MAST2: variants seen among roughly 807,000 people sequenced by gnomAD.
MAST2 encodes microtubule-associated serine/threonine-protein kinase 2.
MAST2 carries 70 observed loss-of-function variants against 147.4 expected under a neutral mutation model. The ratio of observed to expected loss-of-function variants is 0.47; its 90% confidence interval spans 0.39 to 0.58. The LOEUF is 0.58. Ranked by LOEUF, MAST2 falls within the 20% of genes least tolerant of loss-of-function variation. The probability of loss-of-function intolerance (pLI) is 0.00; values close to 1 mark genes in which losing one functional copy is unlikely to be tolerated. For synonymous variants in MAST2, 869 were observed against 896.8 expected, an observed-to-expected ratio of 0.97 and a Z score of 0.55; for missense variants, 2,080 against 2,302.3, an observed-to-expected ratio of 0.90 and a Z score of 1.98.
intron 4 of MAST2, among the ~76,000 whole-genome samples, chr1:45,921,849 C>T (rs905654402): frequency 2.4e-4 from 36 of 152,312 alleles, no homozygotes; most frequent in African/African-American, 8.4e-4. Context: ...TGTTTCAGCT[C>T]TGTTTGTATT....
chr1:46,036,093 G>A lies in MAST2; in HGVS notation c.*27G>A, dbSNP rs761285378. The A allele has an allele frequency of 3.2e-6, 5 of 1,567,648 alleles. No homozygotes were observed. ...AGTTGTTTGCCATTTCTTGCACTCA[G>A]ACCTGTGTAATATATGCTCCTGGAA... On this transcript the variant is annotated 3_prime_UTR_variant, in exon 29 of 29. Coordinates refer to ENST00000361297, the MANE Select transcript of MAST2 (RefSeq NM_015112.3).
intron 3 of MAST2, among the ~76,000 whole-genome samples, chr1:45,846,169 A>G (rs1262579959): frequency 2.0e-5 from 3 of 152,198 alleles, no homozygotes; most frequent in Non-Finnish European, 2.9e-5. Context: ...ATAATAATCT[A>G]TAATCCACCA....
In MAST2 at chr1:46,032,617, G is replaced by A. The variant is rs867246452; in HGVS notation, c.3436G>A (p.Ala1146Thr). 5 of 1,614,156 alleles carry A rather than the reference G, an allele frequency of 3.1e-6. No individual in the cohort carries two copies. The highest frequency in any genetic ancestry group is 4.2e-6 in the Non-Finnish European group (5 of 1,180,008). ...ACAGCACGTGGAGGATGGAGGTCCG[G>A]CCAGTGAGGCAGGGCTTCGTCAAGG... ...MVWHVEDGGP[A>T]SEAGLRQGDL... Residue 1146 changes from alanine (A) to threonine (T), a missense_variant, in exon 26 of 29, where the codon GCC (alanine) becomes ACC (threonine). Ala to Thr is a moderately conservative substitution (Grantham distance 58). Coordinates refer to ENST00000361297, the MANE Select transcript of MAST2 (RefSeq NM_015112.3).
At chr1:45,981,967 C>A (rs1337721065) in intron 5 of MAST2, among the ~76,000 whole-genome samples, 3 of 151,898 alleles carry the variant, frequency 2.0e-5, no homozygotes, top group Non-Finnish European at 4.4e-5. Flanking sequence ...CAGCCTCAGC[C>A]TCCCGACTAG....
At chr1:45,868,157 C>T (rs1646236609) in intron 3 of MAST2, among the ~76,000 whole-genome samples, 1 of 152,134 alleles carries the variant, frequency 6.6e-6, no homozygotes, top group Admixed American at 6.6e-5. Flanking sequence ...CAAGTTGGGT[C>T]TTTTTTGTGG....
intron 6 of MAST2, among the ~76,000 whole-genome samples, chr1:45,998,813 C>T (rs991132272): frequency 2.0e-5 from 3 of 151,704 alleles, no homozygotes; most frequent in Non-Finnish European, 4.4e-5. Flanking sequence ...CTGCAAACTC[C>T]GCCTCCCGGG....
intron 19 of MAST2, 110 bp downstream of exon 19, chr1:46,029,677 T>C (rs1234311387): frequency 2.3e-5 from 32 of 1,365,762 alleles, no homozygotes; most frequent in Non-Finnish European, 3.0e-5. Context: ...CTCTGGATCC[T>C]GAAACTCTGC....
intron 16 of MAST2, 145 bp downstream of exon 16, chr1:46,025,960 T>C (rs988232494): frequency 4.9e-6 from 5 of 1,026,250 alleles, no homozygotes; most frequent in Non-Finnish European, 7.3e-6. Flanking sequence ...CCTAGTTCTC[T>C]AGCCCCCCGA....
At chr1:45,825,382 C>T (rs1434232628) in intron 2 of MAST2, among the ~76,000 whole-genome samples, 1 of 151,272 alleles carries the variant, frequency 6.6e-6, no homozygotes, top group African/African-American at 2.4e-5. Flanking sequence ...AGAGCCATTT[C>T]TTGTTTGGTT....
At chr1:45,892,873 T>G (rs1476141721) in intron 4 of MAST2, among the ~76,000 whole-genome samples, 1 of 152,202 alleles carries the variant, frequency 6.6e-6, no homozygotes, top group East Asian at 1.9e-4. Flanking sequence ...TAGCAAACTG[T>G]AAGAGATTAT....
At chr1:45,854,120 C>T (rs914051046) in intron 3 of MAST2, among the ~76,000 whole-genome samples, 2 of 152,080 alleles carry the variant, frequency 1.3e-5, no homozygotes, top group Non-Finnish European at 2.9e-5. Context: ...GGGCAGATCA[C>T]CTGAGGTCAG....
chr1:45,906,271 A>G (rs1650708826), intron 4 of MAST2, among the ~76,000 whole-genome samples: 1 of 152,184 alleles, frequency 6.6e-6, no homozygotes, highest in Non-Finnish European at 1.5e-5. Context: ...CCATAAGATT[A>G]TAAAGGAGCT....
At chr1:45,860,698 G>T (rs2148064267) in intron 3 of MAST2, among the ~76,000 whole-genome samples, 1 of 151,916 alleles carries the variant, frequency 6.6e-6, no homozygotes, top group African/African-American at 2.4e-5. Flanking sequence ...CAAGCGTAGT[G>T]GCGGGTGCCT....
intron 9 of MAST2, among the ~76,000 whole-genome samples, chr1:46,009,858 G>GAAATCAC (rs1557470454): frequency 6.6e-6 from 1 of 152,126 alleles, no homozygotes; most frequent in African/African-American, 2.4e-5. Context: ...CTGGAAATCA[G>GAAATCAC]AAATCACCAC....
chr1:45,927,119 G>T (rs1190023195), intron 4 of MAST2, among the ~76,000 whole-genome samples: 1 of 152,148 alleles, frequency 6.6e-6, no homozygotes, highest in Non-Finnish European at 1.5e-5. Context: ...TTTTCAAAAG[G>T]GGAGGGAGTG....
In MAST2 at chr1:45,933,238, C is replaced by CG. The variant is rs71587721; in HGVS notation, c.501-26141dup. Among the ~76,000 whole-genome samples the CG allele has an allele frequency of 5.7e-5, 6 of 104,660 alleles. No individual in the cohort carries two copies. The Admixed American group carries it at 6.3e-4, about 11-fold the overall frequency. 68.7% of individuals were successfully genotyped at this position (104,660 alleles called of 152,430 possible). A position where few individuals can be genotyped will look rare whatever the true frequency, so the allele number is the denominator to read the frequency against. ...ACCCTGTCTCTTTAAAAAAAAAAAG[C>CG]GGGGGGGTTGGGGGGGGCAAATGTT... On this transcript the variant is annotated intron_variant, in intron 4 of 28. Transcript: ENST00000361297.
At chr1:45,833,328 G>T (rs539386223) in intron 3 of MAST2, among the ~76,000 whole-genome samples, 3 of 151,866 alleles carry the variant, frequency 2.0e-5, no homozygotes, top group Non-Finnish European at 2.9e-5. Context: ...TCATACAATC[G>T]TATCATTATA....
intron 3 of MAST2, chr1:45,847,416 G>T (rs1489757690): frequency 3.7e-6 from 2 of 544,612 alleles, no homozygotes; most frequent in Non-Finnish European, 7.0e-6. Flanking sequence ...CTTTTTTTGG[G>T]GGGGATCAAG....
chr1:45,877,284 G>A (rs1006645572), intron 3 of MAST2, among the ~76,000 whole-genome samples: 2 of 152,052 alleles, frequency 1.3e-5, no homozygotes, highest in Non-Finnish European at 1.5e-5. Flanking sequence ...TTGAGATGGG[G>A]TCTTGCTCTG....
Sources: gnomAD v4.1 joint callset for allele counts (sites outside exome capture counted in the v4.1 genomes callset) on GRCh38, gnomAD v4.1.1 for gene constraint, MANE v1.5 for transcripts, NCBI Gene and HGNC (gene_info 2026-07-23, HGNC 2026-07-21) for gene names.